RAB7A: variants seen among roughly 807,000 people sequenced by gnomAD.
RAB7A encodes RAB7A, member RAS oncogene family.
Under a neutral mutation model 24.5 loss-of-function variants are expected in RAB7A, and 2 were observed. That is an observed-to-expected ratio of 0.08 (90% CI 0.03 to 0.26). The LOEUF is 0.26. Among genes scored for constraint, RAB7A ranks in the 10% least tolerant of loss-of-function variants. The pLI, the probability that RAB7A is intolerant of heterozygous loss-of-function variation, is 1.00. For missense variants in RAB7A, 118 were observed against 255.7 expected (o/e 0.46, Z 3.67); for synonymous variants, 100 against 95.9 (o/e 1.04, Z -0.25).
intron 1 of RAB7A, among the ~76,000 whole-genome samples, chr3:128,788,040 G>C (rs1050298894): frequency 1.3e-5 from 2 of 152,226 alleles, no homozygotes; most frequent in Non-Finnish European, 2.9e-5. Context: ...GTGCTGTTTG[G>C]ATTAGCTTGA....
In RAB7A at chr3:128,807,555, C is replaced by T. The variant is rs1933832585; in HGVS notation, c.412C>T (p.Arg138Trp). Residue 138 changes from arginine to tryptophan, a missense_variant, in exon 5 of 6, where the codon CGG becomes TGG. This residue lies in a region of RAB7A where 52 missense variants were observed against 173.5 expected (regional missense o/e 0.30). Coordinates refer to ENST00000265062, the MANE Select transcript of RAB7A (RefSeq NM_004637.6). ...CTTCTTCTTTCAGGTGGCCACAAAG[C>T]GGGCACAGGCCTGGTGCTACAGCAA... ...DLENRQVATK[R>W]AQAWCYSKNN... is the part of the protein sequence containing the mutation. 4 of 1,614,128 alleles carry T rather than the reference C, an allele frequency of 2.5e-6. No individual in the cohort carries two copies. Among genetic ancestry groups the T allele is most frequent in the Non-Finnish European group, 3.4e-6 (4 of 1,180,012 alleles).
In RAB7A at chr3:128,764,657, G is replaced by C. The variant is rs1576283737; in HGVS notation, c.-8-30703G>C. 3 of 905,678 alleles carry C rather than the reference G, an allele frequency of 3.3e-6. No homozygotes were observed. The South Asian group carries it at 3.9e-5, about 12-fold the overall frequency. 56.1% of individuals were successfully genotyped at this position (905,678 alleles called of 1,614,324 possible). On this transcript the variant is annotated intron_variant, in intron 1 of 5. Coordinates refer to ENST00000265062, the MANE Select transcript of RAB7A (RefSeq NM_004637.6). ...TGGGGGTCATTTTTGTCAGTGGCTA[G>C]TTTGTGCAGTTCCAATAGTGACTGA...
At chr3:128,760,153 G>A (rs1202366962) in intron 1 of RAB7A, among the ~76,000 whole-genome samples, 2 of 152,164 alleles carry the variant, frequency 1.3e-5, no homozygotes, top group Non-Finnish European at 2.9e-5. Context: ...CAGCGTGGGT[G>A]AGCTTCATCC....
At chr3:128,764,532 G>A (rs1487598194) in intron 1 of RAB7A, 27 of 967,430 alleles carry the variant, frequency 2.8e-5, no homozygotes, top group South Asian at 1.9e-4. Flanking sequence ...AGCCAGATTC[G>A]GGGGCTCCCA....
intron 1 of RAB7A, among the ~76,000 whole-genome samples, chr3:128,788,159 C>T (rs932221139): frequency 1.3e-5 from 2 of 152,234 alleles, no homozygotes; most frequent in African/African-American, 4.8e-5. Context: ...TTGGTTATCA[C>T]ATCAATGTTG....
At chr3:128,729,842 G>C (rs1287979520) in intron 1 of RAB7A, among the ~76,000 whole-genome samples, 1 of 152,160 alleles carries the variant, frequency 6.6e-6, no homozygotes, top group African/African-American at 2.4e-5. Context: ...GGCTTTTCCT[G>C]GGGAGGTAAG....
intron 1 of RAB7A, among the ~76,000 whole-genome samples, chr3:128,739,440 G>A (rs1576269523): frequency 6.6e-6 from 1 of 151,306 alleles, no homozygotes; most frequent in African/African-American, 2.4e-5. Flanking sequence ...TTGAACCTGA[G>A]AGGCAGAGGT....
At chr3:128,796,459 A>G (rs1397389318) in intron 2 of RAB7A, among the ~76,000 whole-genome samples, 1 of 152,152 alleles carries the variant, frequency 6.6e-6, no homozygotes, top group Non-Finnish European at 1.5e-5. Flanking sequence ...CTCTTAAAAT[A>G]AAAAGATTCT....
At chr3:128,795,502 C>A in intron 2 of RAB7A, 82 bp downstream of exon 2, 1 of 1,316,400 alleles carries the variant, frequency 7.6e-7, no homozygotes, top group South Asian at 1.2e-5. Context: ...TCCGTGCTGC[C>A]ACTTCTTGCT....
chr3:128,761,374 C>A (rs1030152478), intron 1 of RAB7A, among the ~76,000 whole-genome samples: 6 of 152,168 alleles, frequency 3.9e-5, no homozygotes, highest in Non-Finnish European at 7.4e-5. Flanking sequence ...CTATACCCCC[C>A]CATCCCACTC....
intron 1 of RAB7A, among the ~76,000 whole-genome samples, chr3:128,779,034 GTGTT>G (rs958363027): frequency 9.2e-5 from 14 of 152,220 alleles, no homozygotes; most frequent in South Asian, 4.1e-4. Context: ...ATTATTGAAA[GTGTT>G]TGGGCAGAAA....
At chr3:128,733,939 C>CACAA (rs2070464325) in intron 1 of RAB7A, among the ~76,000 whole-genome samples, 1 of 152,174 alleles carries the variant, frequency 6.6e-6, no homozygotes, top group Admixed American at 6.5e-5. Context: ...ATTCCACATC[C>CACAA]TTGCTAGCAC....
chr3:128,794,151 T>TACCTTGCCTAGG (rs1488627301), intron 1 of RAB7A, among the ~76,000 whole-genome samples: 1 of 152,206 alleles, frequency 6.6e-6, no homozygotes, highest in Non-Finnish European at 1.5e-5. Flanking sequence ...ATAGCTGGAT[T>TACCTTGCCTAGG]ACCTTGCCTA....
chr3:128,762,443 C>T (rs930439893), intron 1 of RAB7A, among the ~76,000 whole-genome samples: 10 of 152,226 alleles, frequency 6.6e-5, no homozygotes, highest in South Asian at 2.1e-4. Flanking sequence ...AATTCCTCCC[C>T]GTCACAGTTT....
intron 1 of RAB7A, among the ~76,000 whole-genome samples, chr3:128,775,428 TTC>T (rs1933067387): frequency 6.6e-6 from 1 of 152,202 alleles, no homozygotes; most frequent in African/African-American, 2.4e-5. Flanking sequence ...CCTCTTCCCC[TTC>T]TCTCTTTTCT....
intron 2 of RAB7A, among the ~76,000 whole-genome samples, chr3:128,795,751 C>CTTTTTTTTTTTTTTTTTTTTT (rs71153147): frequency 0.035 from 1,513 of 43,014 alleles, 661 homozygotes; most frequent in Middle Eastern, 0.12. Flanking sequence ...AGCAGATGTG[C>CTTTTTTTTTTTTTTTTTTTTT]TTTTTTTTTT....
At chr3:128,778,030 T>C (rs1345519888) in intron 1 of RAB7A, among the ~76,000 whole-genome samples, 1 of 152,150 alleles carries the variant, frequency 6.6e-6, no homozygotes, top group Non-Finnish European at 1.5e-5. Flanking sequence ...CCAGTATTTT[T>C]ATTGTGTGTC....
chr3:128,762,855 CAG>C (rs1184178910), intron 1 of RAB7A, among the ~76,000 whole-genome samples: 7 of 152,146 alleles, frequency 4.6e-5, no homozygotes, highest in Non-Finnish European at 1.0e-4. Context: ...CAAAGAGACT[CAG>C]TGTAAAAGAT....
intron 1 of RAB7A, among the ~76,000 whole-genome samples, chr3:128,741,996 A>G (rs2070559081): frequency 6.6e-6 from 1 of 152,096 alleles, no homozygotes; most frequent in South Asian, 2.1e-4. Flanking sequence ...CACTGACTTC[A>G]AGAATGAAGC....
Sources: gnomAD v4.1 joint callset for allele counts (sites outside exome capture counted in the v4.1 genomes callset) on GRCh38, gnomAD v4.1.1 for gene constraint, gnomAD v4.1.1 regional missense constraint, MANE v1.5 for transcripts, NCBI Gene and HGNC (gene_info 2026-07-23, HGNC 2026-07-21) for gene names.